Variants in PPEF1 observed in about 807,000 individuals in gnomAD.
PPEF1 encodes the protein serine/threonine-protein phosphatase with EF-hands 1.
A neutral mutation model predicts 53.3 loss-of-function variants in PPEF1; 12 were observed. The ratio of observed to expected loss-of-function variants is 0.23; its 90% CI spans 0.14 to 0.36. The LOEUF (loss-of-function observed/expected upper bound fraction) is 0.36. Ranked by LOEUF, PPEF1 falls within the 10% of genes least tolerant of loss-of-function variation. PPEF1 has a pLI of 1.00. For synonymous variants in PPEF1, 165 were observed against 176.7 expected (o/e 0.93, Z 0.52); for missense variants, 334 against 490.4 (o/e 0.68, Z 3.01).
At chrX:18,698,993 G>A (rs751665307) in intron 5 of PPEF1, among the ~76,000 whole-genome samples, 3 of 111,904 alleles carry the variant, frequency 2.7e-5, no homozygotes, top group Non-Finnish European at 3.8e-5. Flanking sequence ...GGTGACATTG[G>A]AACAACTGTA....
upstream of PPEF1, among the ~76,000 whole-genome samples, chrX:18,680,341 A>G (rs1422568230): frequency 9.1e-6 from 1 of 109,561 alleles, no homozygotes; most frequent in Non-Finnish European, 1.9e-5. Context: ...CTGTCTACTG[A>G]AAATTGCTAT....
chrX:18,788,825 G>T (rs2046271134), intron 9 of PPEF1, among the ~76,000 whole-genome samples: 1 of 112,386 alleles, frequency 8.9e-6, no homozygotes, highest in African/African-American at 3.2e-5. Context: ...TCCATTTTCT[G>T]TGTGGATGCC....
chrX:18,770,995 G>T (rs1347154005), intron 6 of PPEF1, among the ~76,000 whole-genome samples: 1 of 112,373 alleles, frequency 8.9e-6, no homozygotes, highest in Non-Finnish European at 1.9e-5. Flanking sequence ...ATTCTAATGT[G>T]CAGTCAAGGT....
chrX:18,817,451 C>T (rs923631287), intron 12 of PPEF1, among the ~76,000 whole-genome samples: 1 of 110,711 alleles, frequency 9.0e-6, no homozygotes. Context: ...AAGCAATTCT[C>T]CTGCCTCAGC....
intron 3 of PPEF1, among the ~76,000 whole-genome samples, chrX:18,743,543 G>A (rs865948881): frequency 4.3e-4 from 43 of 100,478 alleles, no homozygotes; most frequent in Middle Eastern, 5.2e-3. Context: ...TCTGCCTCCC[G>A]GGTTCAAGCC....
rs149169263 is a variant in PPEF1, at chrX:18,783,370, G to A, written c.763-529G>A. ...TCTAGGAATTAGCTAGCCCCGGGAGGGACAGTCTCTCCTCCAGAGTCAGCA... is the reference window on the plus strand; with the variant it reads ...TCTAGGAATTAGCTAGCCCCGGGAGAGACAGTCTCTCCTCCAGAGTCAGCA... On this transcript the variant is annotated intron_variant, in intron 8 of 15. Coordinates refer to ENST00000470157, the MANE Select transcript of PPEF1 (RefSeq NM_001377996.1). Among the ~76,000 whole-genome samples the A allele has an allele frequency of 8.6e-3, 945 of 110,089 alleles. 13 individuals are homozygous for A. Among genetic ancestry groups the A allele is most frequent in the African/African-American group, 0.029 (884 of 30,202 alleles).
upstream of PPEF1, among the ~76,000 whole-genome samples, chrX:18,703,915 A>C (rs1007927283): frequency 1.0e-5 from 1 of 98,876 alleles, no homozygotes; most frequent in African/African-American, 3.6e-5. Context: ...AAATTAAAAA[A>C]CATACCTTTT....
At chrX:18,801,982 A>C (rs1602469631) in intron 10 of PPEF1, among the ~76,000 whole-genome samples, 1 of 101,457 alleles carries the variant, frequency 9.9e-6, no homozygotes, top group South Asian at 4.4e-4. Flanking sequence ...AGACTCCATC[A>C]CAAAAAAAAA....
chrX:18,732,207 C>T (rs2044854074), intron 2 of PPEF1, among the ~76,000 whole-genome samples: 1 of 112,876 alleles, frequency 8.9e-6, no homozygotes, highest in Non-Finnish European at 1.9e-5. Context: ...ATTACTCATT[C>T]CGAAGAATAT....
intron 6 of PPEF1, among the ~76,000 whole-genome samples, chrX:18,776,117 C>T (rs904402417): frequency 8.9e-6 from 1 of 112,474 alleles, no homozygotes; most frequent in Admixed American, 9.4e-5. Context: ...TTCAACAGTC[C>T]TCAGGTTCCT....
intron 13 of PPEF1, among the ~76,000 whole-genome samples, chrX:18,820,281 T>C (rs2047005445): frequency 1.8e-5 from 2 of 111,352 alleles, no homozygotes; most frequent in African/African-American, 3.3e-5. Context: ...AAAACAAAAA[T>C]TGACAGAATA....
intron 1 of PPEF1, among the ~76,000 whole-genome samples, chrX:18,720,101 A>C (rs1160603978): frequency 9.0e-6 from 1 of 111,522 alleles, no homozygotes; most frequent in Non-Finnish European, 1.9e-5. Flanking sequence ...CGAGGAAAAG[A>C]GCAGACAGAT....
intron 2 of PPEF1, 124 bp downstream of exon 2, chrX:18,730,432 A>G: frequency 1.3e-6 from 1 of 776,067 alleles, no homozygotes; most frequent in Non-Finnish European, 1.8e-6. Flanking sequence ...TTAATAGAGC[A>G]TGTCATGACA....
intron 2 of PPEF1, among the ~76,000 whole-genome samples, chrX:18,730,721 T>C (rs1304915877): frequency 9.1e-6 from 1 of 109,684 alleles, no homozygotes; most frequent in East Asian, 2.9e-4. Flanking sequence ...GCCTTTTTTT[T>C]TTTTTTCTTC....
intron 1 of PPEF1, among the ~76,000 whole-genome samples, chrX:18,677,790 G>T (rs1928729846): frequency 9.0e-6 from 1 of 111,522 alleles, no homozygotes; most frequent in Admixed American, 9.5e-5. Flanking sequence ...CCCGTGTATT[G>T]TAGGATGTTT....
At chrX:18,714,196 A>G (rs2044389937) in intron 1 of PPEF1, among the ~76,000 whole-genome samples, 1 of 111,219 alleles carries the variant, frequency 9.0e-6, no homozygotes, top group African/African-American at 3.3e-5. Context: ...AAACCTGAAT[A>G]AAGGGTTATT....
At chrX:18,729,196 A>AG (rs758375645) in intron 1 of PPEF1, among the ~76,000 whole-genome samples, 6 of 111,714 alleles carry the variant, frequency 5.4e-5, no homozygotes, top group African/African-American at 1.6e-4. Context: ...TCTGTGAGGG[A>AG]GGGGGTGTGT....
intron 6 of PPEF1, among the ~76,000 whole-genome samples, chrX:18,778,385 T>C (rs1468922198): frequency 8.9e-6 from 1 of 111,868 alleles, no homozygotes; most frequent in Non-Finnish European, 1.9e-5. Context: ...TAAAAACTGA[T>C]ATGGCCCGGT....
chrX:18,739,799 G>A (rs1193559428), intron 3 of PPEF1, among the ~76,000 whole-genome samples: 2 of 112,360 alleles, frequency 1.8e-5, no homozygotes, highest in African/African-American at 3.2e-5. Context: ...CAAGCTTCCC[G>A]GCTGCTTTGT....
Sources: gnomAD v4.1 joint callset for allele counts (sites outside exome capture counted in the v4.1 genomes callset) on GRCh38, gnomAD v4.1.1 for gene constraint, MANE v1.5 for transcripts, NCBI Gene and HGNC (gene_info 2026-07-23, HGNC 2026-07-21) for gene names.